Variants in CDH12 observed in about 807,000 individuals in gnomAD.
CDH12 encodes cadherin-12.
A neutral mutation model predicts 74.1 loss-of-function variants in CDH12; 41 were observed. The observed-to-expected ratio is 0.55, with a 90% confidence interval of 0.43 to 0.72. The LOEUF (loss-of-function observed/expected upper bound fraction) is 0.72, where lower values mean the gene tolerates loss of function less well. CDH12 is among the 30% of genes least tolerant of loss of function. The pLI is 0.00. For synonymous variants in CDH12, 399 were observed against 355.0 expected, an observed-to-expected ratio of 1.12 and a Z score of -1.39; for missense variants, 945 against 977.2, an observed-to-expected ratio of 0.97 and a Z score of 0.44.
At chr5:22,682,361 A>T (rs1741538532) in intron 1 of CDH12, among the ~76,000 whole-genome samples, 1 of 152,146 alleles carries the variant, frequency 6.6e-6, no homozygotes, top group South Asian at 2.1e-4. Context: ...AAAGCATTAT[A>T]AATAAAATCT....
rs930574513 is a variant in CDH12, at chr5:21,783,366, C to T, written c.1385G>A (p.Ser462Asn). Reference protein sequence around the residue: ...TAQYNFSIIASKVSNPLLTSK... With the variant: ...TAQYNFSIIANKVSNPLLTSK... Reference sequence around the variant, plus strand: ...GTCCATGCCATACTTACTAACTTTACTCGCAATTATGGAGAAATTATACTG... The same window carrying T: ...GTCCATGCCATACTTACTAACTTTATTCGCAATTATGGAGAAATTATACTG... Residue 462 changes from serine (S) to asparagine (N), a missense_variant, in exon 11 of 15, where the codon AGT (serine) becomes AAT (asparagine). This residue lies in a region of CDH12 where 791 missense variants were observed against 792.8 expected (regional missense o/e 1.00). Transcript: ENST00000382254. 4 of 1,612,694 alleles carry T rather than the reference C, an allele frequency of 2.5e-6. No individual in the cohort carries two copies. The highest frequency in any genetic ancestry group is 3.4e-6 in the Non-Finnish European group (4 of 1,179,032).
chr5:22,486,529 G>A (rs1039293773), intron 2 of CDH12, among the ~76,000 whole-genome samples: 13 of 148,016 alleles, frequency 8.8e-5, no homozygotes, highest in African/African-American at 2.3e-4. Context: ...TCGGCTCACC[G>A]GAACCTCCGC....
chr5:22,837,476 ATGT>A (rs1181211268), intron 1 of CDH12, among the ~76,000 whole-genome samples: 1 of 152,216 alleles, frequency 6.6e-6, no homozygotes, highest in Non-Finnish European at 1.5e-5. Context: ...AATTAAAAAA[ATGT>A]TATTAGGTCC....
chr5:22,169,759 G>A (rs1748910730), intron 4 of CDH12, among the ~76,000 whole-genome samples: 1 of 151,834 alleles, frequency 6.6e-6, no homozygotes, highest in Non-Finnish European at 1.5e-5. Context: ...TATTCTCTGT[G>A]TCACATGCTT....
At chr5:22,110,605 A>C (rs928155175) in intron 4 of CDH12, among the ~76,000 whole-genome samples, 6 of 152,142 alleles carry the variant, frequency 3.9e-5, no homozygotes, top group African/African-American at 1.2e-4. Context: ...TGGTGGGTCC[A>C]GATGGAGTAA....
intron 2 of CDH12, among the ~76,000 whole-genome samples, chr5:22,425,154 T>TATATATATATATAAAA (rs1554039862): frequency 2.8e-4 from 18 of 65,172 alleles, no homozygotes; most frequent in East Asian, 1.2e-3. Context: ...TGTGTGTGTG[T>TATATATATATATAAAA]ATATATATAT....
intron 6 of CDH12, 90 bp downstream of exon 6, chr5:21,975,001 A>C: frequency 1.2e-6 from 1 of 802,342 alleles, no homozygotes; most frequent in Non-Finnish European, 2.0e-6. Context: ...ATTCTTTTAG[A>C]TGATAGATAA....
At chr5:21,859,210 GA>G (rs969187788) in intron 6 of CDH12, among the ~76,000 whole-genome samples, 1 of 151,840 alleles carries the variant, frequency 6.6e-6, no homozygotes, top group African/African-American at 2.4e-5. Flanking sequence ...CATTCATAAA[GA>G]AAAAAGGTTT....
intron 3 of CDH12, among the ~76,000 whole-genome samples, chr5:22,288,429 G>A (rs2150411522): frequency 6.6e-6 from 1 of 152,096 alleles, no homozygotes; most frequent in African/African-American, 2.4e-5. Flanking sequence ...ATCATACCTT[G>A]TTTGCAGAAA....
intron 3 of CDH12, among the ~76,000 whole-genome samples, chr5:22,280,542 T>C (rs1376902070): frequency 1.3e-5 from 2 of 151,796 alleles, no homozygotes; most frequent in Non-Finnish European, 2.9e-5. Flanking sequence ...AAAGGGGATA[T>C]CACCACCGAT....
At chr5:22,062,579 T>C (rs1327290921) in intron 5 of CDH12, among the ~76,000 whole-genome samples, 1 of 152,126 alleles carries the variant, frequency 6.6e-6, no homozygotes, top group Admixed American at 6.6e-5. Context: ...TAAAGATGAT[T>C]TGTTGAGCAG....
chr5:22,012,288 A>G (rs1466071539), intron 5 of CDH12, among the ~76,000 whole-genome samples: 1 of 89,552 alleles, frequency 1.1e-5, no homozygotes, highest in African/African-American at 4.7e-5. Context: ...TAACTCTAAT[A>G]TAATTGTTGT....
intron 1 of CDH12, among the ~76,000 whole-genome samples, chr5:22,752,026 T>C (rs1745605206): frequency 6.6e-6 from 1 of 152,174 alleles, no homozygotes; most frequent in African/African-American, 2.4e-5. Context: ...ATAGTTTAAT[T>C]GCTATCATTT....
chr5:22,650,376 T>G (rs1245752900), intron 1 of CDH12, among the ~76,000 whole-genome samples: 1 of 152,068 alleles, frequency 6.6e-6, no homozygotes, highest in Non-Finnish European at 1.5e-5. Context: ...ACTTAGTTAG[T>G]GATTGCATTG....
At chr5:21,872,792 AT>A (rs1194631845) in intron 6 of CDH12, among the ~76,000 whole-genome samples, 17 of 104,564 alleles carry the variant, frequency 1.6e-4, no homozygotes, top group African/African-American at 7.8e-4. Flanking sequence ...AGATCTATCT[AT>A]CTATCTATCT....
intron 3 of CDH12, among the ~76,000 whole-genome samples, chr5:22,236,309 G>C (rs1752557038): frequency 6.6e-6 from 1 of 152,054 alleles, no homozygotes; most frequent in African/African-American, 2.4e-5. Flanking sequence ...TGACTCTTTT[G>C]CAATAACACT....
At chr5:22,223,342 G>A (rs73062550) in intron 3 of CDH12, among the ~76,000 whole-genome samples, 1,584 of 152,048 alleles carry the variant, frequency 0.01, 27 homozygotes, top group African/African-American at 0.037. Flanking sequence ...AATCTCTTGC[G>A]CATATAGAAG....
In CDH12 at chr5:22,706,429, T is replaced by C. The variant is rs138308959; in HGVS notation, c.-523+146629A>G. Among the ~76,000 whole-genome samples the C allele has an allele frequency of 2.5e-3, 385 of 152,146 alleles. 1 individual carries two copies. The highest frequency in any genetic ancestry group is 8.9e-3 in the African/African-American group (368 of 41,558). On this transcript the variant is annotated intron_variant, in intron 1 of 14. Transcript: ENST00000382254. ...ATACACAAACTAAAAAGAAAGCCAA[T>C]CATGTATCACAGATTTTACCTTGAT...
At chr5:22,253,018 G>A (rs992823209) in intron 3 of CDH12, among the ~76,000 whole-genome samples, 17 of 151,994 alleles carry the variant, frequency 1.1e-4, no homozygotes, top group African/African-American at 3.9e-4. Context: ...TCTTGTGAGT[G>A]TTAGATATTG....
Sources: allele counts gnomAD v4.1 joint callset (sites outside exome capture counted in the v4.1 genomes callset), GRCh38; gene constraint gnomAD v4.1.1; regional missense constraint gnomAD v4.1.1; transcripts MANE v1.5; gene names NCBI Gene and HGNC (gene_info 2026-07-23, HGNC 2026-07-21).